Variants in DNAJC1 observed in about 807,000 individuals in gnomAD.
DNAJC1 encodes DnaJ heat shock protein family (Hsp40) member C1, also known as dnaJ homolog subfamily C member 1.
Under a neutral mutation model 76.6 loss-of-function variants are expected in DNAJC1, and 58 were observed. The observed-to-expected ratio is 0.76, with a 90% CI of 0.61 to 0.94. The LOEUF (loss-of-function observed/expected upper bound fraction) is 0.94, where lower values mean the gene tolerates loss of function less well. Among genes scored for constraint, DNAJC1 ranks in the 40% least tolerant of loss-of-function variants. DNAJC1 has a pLI of 0.00. For synonymous variants in DNAJC1, 258 were observed against 267.9 expected (o/e 0.96, Z 0.36); for missense variants, 689 against 677.3 (o/e 1.02, Z -0.19).
At chr10:21,921,250 C>T (rs1216890804) in intron 3 of DNAJC1, among the ~76,000 whole-genome samples, 1 of 151,814 alleles carries the variant, frequency 6.6e-6, no homozygotes, top group Non-Finnish European at 1.5e-5. Flanking sequence ...ACTAAAGGAG[C>T]TACGTGTAGT....
At chr10:21,895,486 T>C (rs1836526390) in intron 7 of DNAJC1, among the ~76,000 whole-genome samples, 1 of 152,204 alleles carries the variant, frequency 6.6e-6, no homozygotes, top group Admixed American at 6.5e-5. Flanking sequence ...CTAAGTAAAT[T>C]GTTCAGGGTG....
intron 7 of DNAJC1, among the ~76,000 whole-genome samples, chr10:21,883,276 A>ACACACACG (rs1330685607): frequency 6.8e-6 from 1 of 147,564 alleles, no homozygotes; most frequent in East Asian, 1.9e-4. Flanking sequence ...ACACACACAC[A>ACACACACG]CACACACACA....
chr10:21,823,445 T>G (rs1001181893), intron 8 of DNAJC1, among the ~76,000 whole-genome samples: 7 of 152,220 alleles, frequency 4.6e-5, no homozygotes, highest in Non-Finnish European at 1.0e-4. Context: ...TAGGGTAGTT[T>G]AGTGTTTTTT....
intron 8 of DNAJC1, among the ~76,000 whole-genome samples, chr10:21,842,481 T>A (rs955162409): frequency 1.3e-5 from 2 of 152,226 alleles, no homozygotes; most frequent in African/African-American, 4.8e-5. Context: ...TATGGTATTG[T>A]CAGAATAAGT....
At chr10:21,992,268 GCCATCGCACA>G (rs1838337486) in intron 1 of DNAJC1, among the ~76,000 whole-genome samples, 1 of 152,216 alleles carries the variant, frequency 6.6e-6, no homozygotes. Flanking sequence ...CTGAGATCGT[GCCATCGCACA>G]CCAGCCTGGG....
chr10:21,882,565 T>A (rs1294288282), intron 7 of DNAJC1, 126 bp from the exon 8 acceptor site: 1 of 650,410 alleles, frequency 1.5e-6, no homozygotes, highest in Non-Finnish European at 2.3e-6. Flanking sequence ...TATAAATAAT[T>A]GGCTATAACT....
At chr10:21,824,982 G>C (rs1343162803) in intron 8 of DNAJC1, among the ~76,000 whole-genome samples, 1 of 151,992 alleles carries the variant, frequency 6.6e-6, no homozygotes, top group Non-Finnish European at 1.5e-5. Context: ...CATCACCTTG[G>C]TCAGATTGGT....
At chr10:21,947,612 AC>A (rs1362992036) in intron 1 of DNAJC1, among the ~76,000 whole-genome samples, 1 of 152,214 alleles carries the variant, frequency 6.6e-6, no homozygotes, top group Non-Finnish European at 1.5e-5. Context: ...ACTAGTAGTT[AC>A]GTTTTGGCAG....
intron 8 of DNAJC1, among the ~76,000 whole-genome samples, chr10:21,814,573 G>C (rs1195457672): frequency 1.3e-5 from 2 of 152,274 alleles, no homozygotes; most frequent in East Asian, 3.9e-4. Flanking sequence ...GGGATCAGGT[G>C]GGTTGTCTTA....
intron 1 of DNAJC1, among the ~76,000 whole-genome samples, chr10:21,941,795 A>C (rs546809067): frequency 3.3e-5 from 5 of 152,250 alleles, no homozygotes; most frequent in African/African-American, 9.6e-5. Context: ...ATTTTCAAAA[A>C]AGAAAAAAAG....
chr10:21,839,257 G>C (rs963272195), intron 8 of DNAJC1, among the ~76,000 whole-genome samples: 1 of 152,190 alleles, frequency 6.6e-6, no homozygotes, highest in Non-Finnish European at 1.5e-5. Flanking sequence ...GATCAGAGCA[G>C]AACTGAAGGA....
intron 1 of DNAJC1, 28 bp downstream of exon 1, chr10:22,003,185 G>A (rs913925868): frequency 1.3e-6 from 2 of 1,489,540 alleles, no homozygotes; most frequent in African/African-American, 1.4e-5. Context: ...GCCCCTCTCC[G>A]CCCGGCCCCG....
intron 8 of DNAJC1, 100 bp from the exon 9 acceptor site, chr10:21,806,199 C>A: frequency 7.7e-7 from 1 of 1,304,100 alleles, no homozygotes; most frequent in Non-Finnish European, 1.0e-6. Flanking sequence ...TGCTGTGAAG[C>A]AAATTATTGG....
intron 1 of DNAJC1, among the ~76,000 whole-genome samples, chr10:21,957,553 G>C (rs896324021): frequency 2.0e-5 from 3 of 152,118 alleles, no homozygotes; most frequent in Admixed American, 2.0e-4. Context: ...ATTCATATTT[G>C]ATCTTTGCAA....
intron 9 of DNAJC1, 90 bp downstream of exon 9, chr10:21,805,890 G>T: frequency 6.5e-7 from 1 of 1,536,964 alleles, no homozygotes; most frequent in Non-Finnish European, 8.9e-7. Context: ...CCTCCCCAAA[G>T]ATACTGTGGA....
chr10:21,916,609 G>A (rs1297871395), intron 6 of DNAJC1, among the ~76,000 whole-genome samples: 1 of 152,042 alleles, frequency 6.6e-6, no homozygotes, highest in African/African-American at 2.4e-5. Flanking sequence ...GCCTTAACAG[G>A]GCTCCTTTTT....
At chr10:21,835,023 T>G (rs1835426247) in intron 8 of DNAJC1, among the ~76,000 whole-genome samples, 1 of 152,218 alleles carries the variant, frequency 6.6e-6, no homozygotes, top group Non-Finnish European at 1.5e-5. Context: ...ATGGGCAGAC[T>G]GCCTCCTCAA....
chr10:21,829,970 T>A (rs1835330487), intron 8 of DNAJC1, among the ~76,000 whole-genome samples: 2 of 152,228 alleles, frequency 1.3e-5, no homozygotes, highest in African/African-American at 4.8e-5. Flanking sequence ...CAATATTTTT[T>A]AAACAATCAC....
At chr10:21,914,952 A>G (rs1368800303) in intron 6 of DNAJC1, among the ~76,000 whole-genome samples, 1 of 152,234 alleles carries the variant, frequency 6.6e-6, no homozygotes, top group Non-Finnish European at 1.5e-5. Flanking sequence ...AATGTGAAGC[A>G]TATATACCGT....
Sources: gnomAD v4.1 joint callset for allele counts (sites outside exome capture counted in the v4.1 genomes callset) on GRCh38, gnomAD v4.1.1 for gene constraint, MANE v1.5 for transcripts, NCBI Gene and HGNC (gene_info 2026-07-23, HGNC 2026-07-21) for gene names.